The following UBE3A variants were observed in gnomAD, a reference collection of about 807,000 sequenced individuals.
UBE3A encodes ubiquitin protein ligase E3A.
A neutral mutation model predicts 83.4 loss-of-function variants in UBE3A; 6 were observed. That is an observed-to-expected ratio of 0.07 (90% CI 0.04 to 0.14). The LOEUF (loss-of-function observed/expected upper bound fraction) is 0.14. Among genes scored for constraint, UBE3A ranks in the 10% least tolerant of loss-of-function variants. The pLI is 1.00. For synonymous variants in UBE3A, 337 were observed against 355.4 expected (o/e 0.95, Z 0.58); for missense variants, 456 against 1,036.1 (o/e 0.44, Z 7.69).
In UBE3A at chr15:25,335,258, C is replaced by T. The variant is rs1803507652; in HGVS notation, c.*3879G>A. 6.6e-6 allele frequency: 1 copy of T among 152,132 alleles called. No homozygotes were observed. The highest frequency in any genetic ancestry group is 2.4e-5 in the African/African-American group (1 of 41,402). 9.4% of individuals were successfully genotyped at this position (152,132 alleles called of 1,614,324 possible). On this transcript the variant is annotated 3_prime_UTR_variant, in exon 13 of 13. Transcript: ENST00000648336. ...TTCATGGATGAGGTACTTTAAATAT[C>T]TGGTCATGAAGAGTATTTGAGAAAT...
intron 11 of UBE3A, among the ~76,000 whole-genome samples, chr15:25,349,606 C>A (rs1165625463): frequency 1.3e-5 from 2 of 152,104 alleles, no homozygotes; most frequent in Non-Finnish European, 2.9e-5. Context: ...ATATACTATG[C>A]ATGATTTATT....
rs116842902 is a variant in UBE3A at position 25,401,099 on chromosome 15, T to C, written c.62+4362A>G. Among the ~76,000 whole-genome samples the C allele has an allele frequency of 8.7e-4, 133 of 152,342 alleles. No homozygotes were observed. The East Asian group carries it at 0.017, about 19-fold the overall frequency. Reference sequence around the variant, plus strand: ...GGTTTTGGCCTTTGTTCTCCTAATGTTGTATATCACATTTTATGGATTCAG... The same window carrying C: ...GGTTTTGGCCTTTGTTCTCCTAATGCTGTATATCACATTTTATGGATTCAG... On this transcript the variant is annotated intron_variant, in intron 4 of 12. Coordinates refer to ENST00000648336, the MANE Select transcript of UBE3A (RefSeq NM_130839.5).
chr15:25,405,155 G>A (rs1378670346), intron 4 of UBE3A, among the ~76,000 whole-genome samples: 3 of 145,176 alleles, frequency 2.1e-5, no homozygotes, highest in Non-Finnish European at 3.2e-5. Flanking sequence ...TATGGTAGGC[G>A]TTGAGACTGT....
Position 25,405,512 on chromosome 15 carries a change from G to A in UBE3A, c.21-10C>T, listed in dbSNP as rs758534647. 27 of 1,613,518 alleles carry A rather than the reference G, an allele frequency of 1.7e-5. No homozygotes were observed. Among genetic ancestry groups the A allele is most frequent in the East Asian group, 2.2e-5 (1 of 44,820 alleles). Reference sequence around the variant, plus strand: ...CTGAGGTTCTCCTGATCTGTAAAATGCAATTGAGAAACAGTTAGCAAAATA... The same window carrying A: ...CTGAGGTTCTCCTGATCTGTAAAATACAATTGAGAAACAGTTAGCAAAATA... On this transcript the variant is annotated splice_polypyrimidine_tract_variant and intron_variant, in intron 3 of 12. Coordinates refer to ENST00000648336, the MANE Select transcript of UBE3A (RefSeq NM_130839.5).
At chr15:25,433,954 C>T (rs1041074974) in intron 1 of UBE3A, among the ~76,000 whole-genome samples, 6 of 152,136 alleles carry the variant, frequency 3.9e-5, no homozygotes, top group African/African-American at 1.4e-4. Context: ...ATGCTAATCC[C>T]ACCTACTCAG....
chr15:25,347,172 C>G (rs1207831834), intron 11 of UBE3A: 2 of 152,128 alleles, frequency 1.3e-5, no homozygotes, highest in African/African-American at 2.4e-5. Flanking sequence ...AACATGGGTA[C>G]ATACAACAGA....
intron 1 of UBE3A, among the ~76,000 whole-genome samples, chr15:25,413,801 T>G (rs550008192): frequency 6.6e-6 from 1 of 152,256 alleles, no homozygotes; most frequent in African/African-American, 2.4e-5. Flanking sequence ...TTAATCCTAC[T>G]TAATTTTTGT....
chr15:25,383,265 C>T (rs1191425377), intron 4 of UBE3A, among the ~76,000 whole-genome samples: 1 of 152,130 alleles, frequency 6.6e-6, no homozygotes, highest in Non-Finnish European at 1.5e-5. Context: ...CACTTTAATA[C>T]ACTGCATTCT....
intron 4 of UBE3A, among the ~76,000 whole-genome samples, chr15:25,392,846 G>A (rs1340031797): frequency 1.3e-5 from 2 of 152,150 alleles, no homozygotes; most frequent in African/African-American, 4.8e-5. Context: ...GCAGGGAAAA[G>A]CCAGATCATG....
chr15:25,376,778 C>T (rs532518969), intron 4 of UBE3A, among the ~76,000 whole-genome samples: 15 of 112,554 alleles, frequency 1.3e-4, no homozygotes, highest in East Asian at 5.9e-4. Context: ...AGTTCCATCA[C>T]GTGAAATCTT....
intron 8 of UBE3A, 47 bp from the exon 9 acceptor site, chr15:25,356,103 T>A: frequency 6.3e-7 from 1 of 1,591,642 alleles, no homozygotes; most frequent in Non-Finnish European, 8.6e-7. Context: ...AACTACAAAA[T>A]ACAACAAATA....
intron 11 of UBE3A, chr15:25,354,134 T>G (rs2076905218): frequency 1.7e-6 from 1 of 593,430 alleles, no homozygotes; most frequent in Non-Finnish European, 3.0e-6. Context: ...ATGCAGGAGA[T>G]TACATGAGAC....
intron 11 of UBE3A, among the ~76,000 whole-genome samples, chr15:25,347,903 TA>T (rs2075948325): frequency 6.6e-6 from 1 of 151,928 alleles, no homozygotes; most frequent in African/African-American, 2.4e-5. Context: ...ATGGTCTAAA[TA>T]AAAAAATTAA....
chr15:25,413,008 C>T (rs900582437), intron 1 of UBE3A: 6 of 450,258 alleles, frequency 1.3e-5, no homozygotes, highest in Non-Finnish European at 2.2e-5. Context: ...ACATATACTT[C>T]ACATGACACA....
intron 4 of UBE3A, among the ~76,000 whole-genome samples, chr15:25,387,577 T>G (rs955662856): frequency 6.6e-6 from 1 of 151,526 alleles, no homozygotes; most frequent in Non-Finnish European, 1.5e-5. Context: ...AGCTACCAAC[T>G]TATGAAACTA....
At chr15:25,418,725 A>T (rs1243693555) in intron 1 of UBE3A, 1 of 152,148 alleles carries the variant, frequency 6.6e-6, no homozygotes, top group Non-Finnish European at 1.5e-5. Context: ...TTTTCCAAAG[A>T]TGGTCACAAT....
intron 1 of UBE3A, among the ~76,000 whole-genome samples, chr15:25,417,717 TAA>T (rs1887604203): frequency 6.6e-6 from 1 of 151,206 alleles, no homozygotes; most frequent in South Asian, 2.1e-4. Flanking sequence ...CACAGGGAAA[TAA>T]AAAGACTGAA....
intron 7 of UBE3A, among the ~76,000 whole-genome samples, chr15:25,360,069 A>G (rs1011132368): frequency 6.6e-6 from 1 of 152,220 alleles, no homozygotes; most frequent in African/African-American, 2.4e-5. Context: ...TGATGGTTTT[A>G]GACAACAAAA....
intron 1 of UBE3A, among the ~76,000 whole-genome samples, chr15:25,414,542 A>G (rs1193582008): frequency 6.6e-6 from 1 of 152,198 alleles, no homozygotes; most frequent in Non-Finnish European, 1.5e-5. Flanking sequence ...AGTCTGAAGA[A>G]AAGGAAAACC....
Sources: allele counts gnomAD v4.1 joint callset (sites outside exome capture counted in the v4.1 genomes callset), GRCh38; gene constraint gnomAD v4.1.1; transcripts MANE v1.5; gene names NCBI Gene and HGNC (gene_info 2026-07-23, HGNC 2026-07-21).